ASIC5: variants seen among roughly 807,000 people sequenced by gnomAD.
The protein encoded by ASIC5 is acid sensing ion channel subunit family member 5, also known as bile acid-sensitive ion channel.
ASIC5 carries 52 observed loss-of-function variants against 51.2 expected under a neutral mutation model. The observed-to-expected ratio is 1.02, with a 90% CI of 0.81 to 1.28. The LOEUF is 1.28. Among genes scored for constraint, ASIC5 ranks in the 50% most tolerant of loss-of-function variants. The pLI is 0.00. For synonymous variants in ASIC5, 231 were observed against 200.7 expected, an observed-to-expected ratio of 1.15 and a Z score of -1.28; for missense variants, 635 against 595.0, an observed-to-expected ratio of 1.07 and a Z score of -0.70.
chr4:155,836,992 G>A (rs1346319260), intron 7 of ASIC5, 135 bp from the exon 8 acceptor site: 2 of 514,746 alleles, frequency 3.9e-6, no homozygotes, highest in Non-Finnish European at 6.1e-6. Flanking sequence ...TGTTTACTCT[G>A]AAACAAATAT....
chr4:155,840,584 C>T (rs185927651), intron 6 of ASIC5, among the ~76,000 whole-genome samples: 103 of 151,108 alleles, frequency 6.8e-4, no homozygotes, highest in Middle Eastern at 3.4e-3. Context: ...CCAAGCTGTC[C>T]TTGTTCATTC....
At chr4:155,857,633 T>C (rs1313884222) in intron 2 of ASIC5, among the ~76,000 whole-genome samples, 1 of 152,112 alleles carries the variant, frequency 6.6e-6, no homozygotes, top group African/African-American at 2.4e-5. Context: ...TCAATGGTTC[T>C]AAATGTACTT....
chr4:155,862,530 A>C (rs1321639290), intron 2 of ASIC5, among the ~76,000 whole-genome samples: 1 of 152,114 alleles, frequency 6.6e-6, no homozygotes, highest in African/African-American at 2.4e-5. Flanking sequence ...ATGGTATTTC[A>C]TGCTTCACCA....
In ASIC5 at chr4:155,832,754, T is replaced by G. The variant is rs527433083; in HGVS notation, c.1236-839A>C. 4.4e-3 allele frequency among the ~76,000 whole-genome samples: 663 copies of G among 152,290 alleles called. 4 individuals carry two copies. The highest frequency in any genetic ancestry group is 0.015 in the African/African-American group (638 of 41,558). On this transcript the variant is annotated intron_variant, in intron 8 of 9. Transcript: ENST00000537611. ...CATCAGGAAAGCCCATTTTTTATGT[T>G]ACCTTCAAAATATATCTGGACTCCT...
intron 4 of ASIC5, among the ~76,000 whole-genome samples, chr4:155,848,702 C>T (rs558295405): frequency 6.6e-6 from 1 of 152,014 alleles, no homozygotes; most frequent in South Asian, 2.1e-4. Context: ...AACAGGTGCC[C>T]TTAAATGCAG....
intron 2 of ASIC5, among the ~76,000 whole-genome samples, chr4:155,858,439 C>A (rs554107919): frequency 1.3e-5 from 2 of 152,050 alleles, no homozygotes; most frequent in Admixed American, 1.3e-4. Context: ...TTGATGAAGT[C>A]GTTGACAAAT....
In ASIC5 at chr4:155,863,436, A is replaced by C. The variant is rs780060476; in HGVS notation, c.347+12T>G. 6.3e-7 allele frequency: 1 copy of C among 1,589,040 alleles called. No individual in the cohort carries two copies. Among genetic ancestry groups the C allele is most frequent in the Admixed American group, 1.7e-5 (1 of 57,434 alleles). On this transcript the variant is annotated intron_variant, in intron 2 of 9. Coordinates refer to ENST00000537611, the MANE Select transcript of ASIC5 (RefSeq NM_017419.3). Reference sequence around the variant, plus strand: ...TATAGGAACTAATTATTTTTAAAAAAGTAATTTTTACCTGTTCAAATTACA... The same window carrying C: ...TATAGGAACTAATTATTTTTAAAAACGTAATTTTTACCTGTTCAAATTACA...
rs530659137 is a variant in ASIC5, at chr4:155,866,075, G to C, written c.40+112C>G. On this transcript the variant is annotated intron_variant, in intron 1 of 9. Transcript: ENST00000537611. ...CTTATATTACTTATATTGTGTTCAA[G>C]TAACATTGGAAATCAAATTTCCCAA... The C allele has an allele frequency of 1.1e-4, 72 of 643,950 alleles. No individual in the cohort carries two copies. In the African/African-American group the frequency reaches 1.2e-3, roughly 11 times the overall value. The allele number at this position is 643,950 out of a possible 1,614,324, so 39.9% of individuals were successfully genotyped here. A position where few individuals can be genotyped will look rare whatever the true frequency, so the allele number is the denominator to read the frequency against.
At chr4:155,834,798 C>T (rs1369201235) in intron 8 of ASIC5, among the ~76,000 whole-genome samples, 2 of 152,022 alleles carry the variant, frequency 1.3e-5, no homozygotes, top group Non-Finnish European at 2.9e-5. Context: ...CCCCAAGCTC[C>T]AGAAGAGACG....
chr4:155,865,881 T>C (rs1308405628), intron 1 of ASIC5, among the ~76,000 whole-genome samples: 2 of 152,102 alleles, frequency 1.3e-5, no homozygotes, highest in East Asian at 3.8e-4. Flanking sequence ...ATCAGCTTTG[T>C]TACATTTAAA....
At chr4:155,831,991 A>G in intron 8 of ASIC5, 76 bp from the exon 9 acceptor site, 1 of 769,696 alleles carries the variant, frequency 1.3e-6, no homozygotes, top group Non-Finnish European at 2.1e-6. Flanking sequence ...TAAAGGTAAT[A>G]TTCATTTTTG....
chr4:155,846,866 T>G (rs138902250), intron 4 of ASIC5, among the ~76,000 whole-genome samples: 114 of 152,020 alleles, frequency 7.5e-4, no homozygotes, highest in African/African-American at 2.6e-3. Flanking sequence ...TAAAAAAAAG[T>G]GTGTCCTTTA....
intron 8 of ASIC5, among the ~76,000 whole-genome samples, chr4:155,832,223 A>T (rs752276042): frequency 8.5e-5 from 13 of 152,224 alleles, no homozygotes; most frequent in Non-Finnish European, 1.8e-4. Context: ...ATTTTCATTC[A>T]AATCTTGGTT....
At position 155,842,238 on chromosome 4, in the gene ASIC5, CT is replaced by C. The variant is rs2111238170; in HGVS notation, c.977del (p.Lys326SerfsTer15). The C allele has an allele frequency of 6.2e-7, 1 of 1,613,532 alleles. No individual in the cohort carries two copies. Among genetic ancestry groups the C allele is most frequent in the East Asian group, 2.2e-5 (1 of 44,838 alleles). ...LKECKAQHIK[K>X]QCGCVPFLLP... The stretch of plus-strand genomic sequence containing the variant: ...GAAGAAAAGGCACACATCCACATTG[CT>C]TTTTTATGTGCTGGGCTTTGCATTC... On this transcript the variant is annotated frameshift_variant, in exon 6 of 10. Transcript: ENST00000537611. LOFTEE classifies it high-confidence loss of function.
intron 9 of ASIC5, among the ~76,000 whole-genome samples, chr4:155,830,619 C>T (rs1330963437): frequency 6.6e-6 from 1 of 152,092 alleles, no homozygotes; most frequent in Non-Finnish European, 1.5e-5. Context: ...CCATGTTAAC[C>T]ATTTTTAAGT....
chr4:155,853,981 T>C, intron 3 of ASIC5, 96 bp downstream of exon 3: 1 of 922,928 alleles, frequency 1.1e-6, no homozygotes, highest in Non-Finnish European at 1.7e-6. Context: ...TTGGATTGAT[T>C]CACCATGGGA....
chr4:155,837,066 T>C (rs1231397739), intron 7 of ASIC5, among the ~76,000 whole-genome samples: 3 of 152,232 alleles, frequency 2.0e-5, no homozygotes, highest in Admixed American at 6.5e-5. Context: ...TTTGAATTCA[T>C]TGAGTCACTG....
intron 7 of ASIC5, among the ~76,000 whole-genome samples, chr4:155,838,204 A>G (rs1218850109): frequency 6.6e-6 from 1 of 152,208 alleles, no homozygotes; most frequent in Admixed American, 6.6e-5. Context: ...AAAACAACCA[A>G]TGACTTCACG....
At chr4:155,865,609 T>A (rs1741842312) in intron 1 of ASIC5, among the ~76,000 whole-genome samples, 1 of 152,152 alleles carries the variant, frequency 6.6e-6, no homozygotes, top group Non-Finnish European at 1.5e-5. Context: ...GCCCATTTAA[T>A]ATACATCTAA....
Sources: gnomAD v4.1 joint callset for allele counts (sites outside exome capture counted in the v4.1 genomes callset) on GRCh38, gnomAD v4.1.1 for gene constraint, MANE v1.5 for transcripts, NCBI Gene and HGNC (gene_info 2026-07-23, HGNC 2026-07-21) for gene names.